The following EPB41 variants were observed in gnomAD, a reference collection of about 807,000 sequenced individuals.
The protein encoded by EPB41 is erythrocyte membrane protein band 4.1.
A neutral mutation model predicts 108.0 loss-of-function variants in EPB41; 65 were observed. The ratio of observed to expected loss-of-function variants is 0.60; its 90% CI spans 0.49 to 0.74. EPB41 has a LOEUF of 0.74. EPB41 is among the 30% of genes least tolerant of loss of function. The pLI is 0.00. For missense variants in EPB41, 875 were observed against 1,037.0 expected (o/e 0.84, Z 2.15); for synonymous variants, 336 against 358.9 (o/e 0.94, Z 0.72).
intron 4 of EPB41, among the ~76,000 whole-genome samples, chr1:28,998,367 C>T (rs113591640): frequency 6.6e-6 from 1 of 152,138 alleles, no homozygotes; most frequent in Non-Finnish European, 1.5e-5. Flanking sequence ...GACAGGTATA[C>T]GTCCAGGTTG....
intron 16 of EPB41, among the ~76,000 whole-genome samples, chr1:29,078,343 G>T (rs932740446): frequency 3.7e-4 from 56 of 152,090 alleles, no homozygotes; most frequent in African/African-American, 1.3e-3. Flanking sequence ...ATTGTAGTTG[G>T]GATCTTAGCA....
rs148930368 is a variant in EPB41, at chr1:28,888,945, G to A, written c.-8+1735G>A. Among the ~76,000 whole-genome samples, 232 of 152,314 alleles carry A rather than the reference G, an allele frequency of 1.5e-3. 1 individual carries two copies. The highest frequency in any genetic ancestry group is 5.1e-3 in the African/African-American group (214 of 41,564). On this transcript the variant is annotated intron_variant, in intron 1 of 16. Transcript: ENST00000347529. Reference sequence around the variant, plus strand: ...CCAGGCCGGGAATTATTAATTCTAAGCCAGGAGAAACTTTGCGCAAGGAGG... The same window carrying A: ...CCAGGCCGGGAATTATTAATTCTAAACCAGGAGAAACTTTGCGCAAGGAGG...
At chr1:29,096,942 A>G (rs1201046945) in intron 16 of EPB41, 3 of 152,202 alleles carry the variant, frequency 2.0e-5, no homozygotes, top group Admixed American at 2.0e-4. Flanking sequence ...TTCTGAGACC[A>G]TGCTTAAAAA....
chr1:28,949,333 A>G (rs114330836), intron 1 of EPB41, among the ~76,000 whole-genome samples: 31 of 152,194 alleles, frequency 2.0e-4, no homozygotes, highest in Non-Finnish European at 3.5e-4. Flanking sequence ...AGTTCCAGCT[A>G]CTTGGGAGGT....
rs562920143 is a variant in EPB41, at chr1:28,902,183, G to A, written c.-8+14973G>A. On this transcript the variant is annotated intron_variant, in intron 1 of 16. Coordinates refer to the EPB41 transcript ENST00000347529. ...GTGTGAATGAGAGAAAAAGTGAGCG[G>A]TCATCATCCTTTCCATTTGTCAGAT... 2.2e-5 allele frequency: 22 copies of A among 985,312 alleles called. 1 individual carries two copies. In the South Asian group the frequency reaches 5.2e-4, roughly 23 times the overall value. 61.0% of individuals were successfully genotyped at this position (985,312 alleles called of 1,614,324 possible).
At chr1:29,074,268 A>T (rs1393858819) in intron 16 of EPB41, among the ~76,000 whole-genome samples, 8 of 152,226 alleles carry the variant, frequency 5.3e-5, no homozygotes, top group Non-Finnish European at 1.2e-4. Context: ...GAATTATAAA[A>T]TCCCAAACTA....
chr1:28,887,274 G>A lies in EPB41; in HGVS notation c.-8+64G>A. The A allele has an allele frequency of 4.0e-6, 5 of 1,260,740 alleles. No individual in the cohort carries two copies. The highest frequency in any genetic ancestry group is 2.7e-5 in the Admixed American group (1 of 37,316). The allele number at this position is 1,260,740 out of a possible 1,614,324, so 78.1% of individuals were successfully genotyped here. On this transcript the variant is annotated intron_variant, in intron 1 of 16. Transcript: ENST00000347529. This position sits in a 1 kb window ranked among gnomAD's most constrained non-coding sequence, Gnocchi z 4.9. ...GGGAGGGACGGGGTTAGGGACAGAAGAACCTACCCCCAAGGGCTCGGACCG... is the reference window on the plus strand; with the variant it reads ...GGGAGGGACGGGGTTAGGGACAGAAAAACCTACCCCCAAGGGCTCGGACCG...
chr1:28,963,272 G>A (rs2095269933), intron 1 of EPB41, among the ~76,000 whole-genome samples: 2 of 151,768 alleles, frequency 1.3e-5, no homozygotes, highest in South Asian at 4.2e-4. Flanking sequence ...GGAAACAACT[G>A]ACTTTTGAGA....
intron 16 of EPB41, among the ~76,000 whole-genome samples, chr1:29,093,074 A>G (rs1238259471): frequency 6.6e-6 from 1 of 152,196 alleles, no homozygotes; most frequent in Non-Finnish European, 1.5e-5. Context: ...TACCCGTAAT[A>G]GGATTGCTGG....
Position 28,975,212 on chromosome 1 carries a change from G to A in EPB41, c.-7-12219G>A, listed in dbSNP as rs141089792. On this transcript the variant is annotated intron_variant, in intron 1 of 20. Transcript: ENST00000343067. ...CTCCCAAAGTGCTGGAATTACAGGC[G>A]TGAGTTACCGTGCCCGGCCTTATTT... is the stretch of plus-strand genomic sequence containing the variant. Among the ~76,000 whole-genome samples the A allele has an allele frequency of 4.5e-3, 684 of 152,224 alleles. 4 individuals carry two copies. The highest frequency in any genetic ancestry group is 0.015 in the African/African-American group (630 of 41,518).
intron 1 of EPB41, chr1:28,982,193 C>T (rs1201906544): frequency 1.8e-5 from 6 of 340,598 alleles, no homozygotes; most frequent in South Asian, 2.4e-5. Context: ...TGGTTTCCAG[C>T]TTCATCCATG....
At chr1:28,935,476 CCCCCAAGATCT>C in intron 1 of EPB41, among the ~76,000 whole-genome samples, 1 of 117,286 alleles carries the variant, frequency 8.5e-6, no homozygotes, top group African/African-American at 3.2e-5. Flanking sequence ...CACCCCCCCC[CCCCCAAGATCT>C]ACGCACTAAC....
chr1:29,002,031 TA>T (rs1189538408), intron 4 of EPB41, among the ~76,000 whole-genome samples: 1 of 152,220 alleles, frequency 6.6e-6, no homozygotes, highest in African/African-American at 2.4e-5. Context: ...AGTTGCAAGT[TA>T]GATAAGTTAC....
At chr1:28,998,365 T>A (rs935139822) in intron 4 of EPB41, among the ~76,000 whole-genome samples, 1 of 152,172 alleles carries the variant, frequency 6.6e-6, no homozygotes, top group Non-Finnish European at 1.5e-5. Flanking sequence ...TGGACAGGTA[T>A]ACGTCCAGGT....
chr1:28,987,058 C>T (rs923090837), intron 1 of EPB41, among the ~76,000 whole-genome samples: 6 of 152,126 alleles, frequency 3.9e-5, no homozygotes, highest in Admixed American at 1.3e-4. Context: ...CCTACACCTT[C>T]AGATTGATAC....
At chr1:29,105,743 CTTTTTT>C (rs63685960) in intron 17 of EPB41, among the ~76,000 whole-genome samples, 3 of 91,080 alleles carry the variant, frequency 3.3e-5, no homozygotes, top group East Asian at 6.6e-4. Flanking sequence ...ATGTACAGAT[CTTTTTT>C]TTTTTTTTTT....
intron 1 of EPB41, among the ~76,000 whole-genome samples, chr1:28,897,084 G>T (rs1286830359): frequency 6.6e-6 from 1 of 152,188 alleles, no homozygotes; most frequent in East Asian, 1.9e-4. Flanking sequence ...CTGGGGCAAG[G>T]CCTGTGGCCA....
In EPB41 at chr1:29,081,620, G is replaced by T. The variant is rs1365244916; in HGVS notation, c.2185-16187G>T. On this transcript the variant is annotated intron_variant, in intron 16 of 20. Transcript: ENST00000343067. ...GGAGGCCGAACTGGGTGGATCGCCTGAGGTCGGGAGTTTGAGACCAGTCTG... is the reference window on the plus strand; with the variant it reads ...GGAGGCCGAACTGGGTGGATCGCCTTAGGTCGGGAGTTTGAGACCAGTCTG... Among the ~76,000 whole-genome samples the T allele has an allele frequency of 2.0e-5, 3 of 152,176 alleles. No homozygotes were observed. The South Asian group carries it at 6.2e-4, about 32-fold the overall frequency.
intron 1 of EPB41, among the ~76,000 whole-genome samples, chr1:28,925,908 CTG>C (rs879867422): frequency 1.4e-4 from 21 of 152,114 alleles, no homozygotes; most frequent in Admixed American, 1.4e-3. Flanking sequence ...GAGCAGGACT[CTG>C]TTTATATATG....
Sources: allele counts gnomAD v4.1 joint callset (sites outside exome capture counted in the v4.1 genomes callset), GRCh38; gene constraint gnomAD v4.1.1; non-coding constraint Gnocchi (gnomAD v3.1); transcripts MANE v1.5; gene names NCBI Gene and HGNC (gene_info 2026-07-23, HGNC 2026-07-21).